Variants in KIF16B observed in about 807,000 individuals in gnomAD.
KIF16B encodes the protein kinesin family member 16B.
Under a neutral mutation model 156.3 loss-of-function variants are expected in KIF16B, and 98 were observed. The observed-to-expected ratio is 0.63, with a 90% confidence interval of 0.53 to 0.74. KIF16B has a LOEUF of 0.74. Ranked by LOEUF, KIF16B falls within the 30% of genes least tolerant of loss-of-function variation. KIF16B has a pLI of 0.00. For synonymous variants in KIF16B, 564 were observed against 583.7 expected, an observed-to-expected ratio of 0.97 and a Z score of 0.49; for missense variants, 1,421 against 1,606.5, an observed-to-expected ratio of 0.88 and a Z score of 1.97.
chr20:16,298,520 T>C (rs2063424178), intron 25 of KIF16B, among the ~76,000 whole-genome samples: 1 of 152,212 alleles, frequency 6.6e-6, no homozygotes, highest in Admixed American at 6.5e-5. Context: ...TTTATAGTAT[T>C]CTCTGATGGT....
intron 24 of KIF16B, among the ~76,000 whole-genome samples, chr20:16,333,314 A>G (rs1400344500): frequency 6.6e-6 from 1 of 152,088 alleles, no homozygotes; most frequent in East Asian, 1.9e-4. Flanking sequence ...TGCCCCACCT[A>G]AAGTAGTCCA....
intron 22 of KIF16B, among the ~76,000 whole-genome samples, chr20:16,360,778 T>C (rs73236274): frequency 0.02 from 3,009 of 152,276 alleles, 101 homozygotes; most frequent in African/African-American, 0.069. Context: ...CTGAAAGAAA[T>C]AGGCAGAACA....
intron 17 of KIF16B, among the ~76,000 whole-genome samples, chr20:16,403,890 C>T (rs1043633983): frequency 6.6e-6 from 1 of 152,096 alleles, no homozygotes; most frequent in African/African-American, 2.4e-5. Context: ...GGAACCAGTC[C>T]CCCAACTGCA....
At chr20:16,387,607 C>T (rs1001094045) in intron 17 of KIF16B, among the ~76,000 whole-genome samples, 1 of 152,158 alleles carries the variant, frequency 6.6e-6, no homozygotes, top group Non-Finnish European at 1.5e-5. Context: ...CAAAGAATCA[C>T]TGAAGATAAC....
rs147904386 is a variant in KIF16B at position 16,467,863 on chromosome 20, G to A, written c.1302+26428C>T. On this transcript the variant is annotated intron_variant, in intron 12 of 25. Transcript: ENST00000354981. ...TTCTTTATTCTTAATTGATCTAATA[G>A]TTAACAGTTGATATGCTAGGAAAGG... Among the ~76,000 whole-genome samples the A allele has an allele frequency of 1.4e-3, 217 of 152,196 alleles. 2 individuals are homozygous for A. The highest frequency in any genetic ancestry group is 1.3e-3 in the Non-Finnish European group (89 of 68,008).
intron 1 of KIF16B, among the ~76,000 whole-genome samples, chr20:16,532,432 C>T (rs1278729000): frequency 6.6e-6 from 1 of 152,168 alleles, no homozygotes; most frequent in Non-Finnish European, 1.5e-5. Context: ...CTGAAAAATG[C>T]TTCCACTCCA....
At chr20:16,545,923 T>G (rs2070389270) in intron 1 of KIF16B, among the ~76,000 whole-genome samples, 1 of 151,918 alleles carries the variant, frequency 6.6e-6, no homozygotes, top group Admixed American at 6.6e-5. Flanking sequence ...AAAATACAAT[T>G]TTGGCCTATA....
intron 12 of KIF16B, among the ~76,000 whole-genome samples, chr20:16,437,985 ATAAT>A (rs769716643): frequency 2.0e-4 from 27 of 131,942 alleles, no homozygotes; most frequent in South Asian, 5.1e-4. Flanking sequence ...ATAAAAAAAA[ATAAT>A]AAAAAAAAAA....
intron 1 of KIF16B, among the ~76,000 whole-genome samples, chr20:16,549,025 T>C (rs995191443): frequency 1.5e-5 from 2 of 129,212 alleles, no homozygotes; most frequent in Admixed American, 1.5e-4. Context: ...TTTTTTTTTA[T>C]GTTTTTTTTT....
chr20:16,558,175 G>A (rs2070923104), intron 1 of KIF16B, among the ~76,000 whole-genome samples: 1 of 152,252 alleles, frequency 6.6e-6, no homozygotes. Context: ...GCAGACGAGT[G>A]GCAGGTGCCG....
chr20:16,343,063 A>C (rs1049596447), intron 23 of KIF16B, among the ~76,000 whole-genome samples: 1 of 152,232 alleles, frequency 6.6e-6, no homozygotes. Context: ...ACAACAAATA[A>C]GTCAGACCAA....
intron 3 of KIF16B, among the ~76,000 whole-genome samples, chr20:16,517,874 G>A (rs1003735476): frequency 6.6e-6 from 1 of 152,114 alleles, no homozygotes; most frequent in African/African-American, 2.4e-5. Context: ...GAATAAAGAA[G>A]GACTGTTTCT....
At chr20:16,387,007 T>G (rs1019648986) in intron 17 of KIF16B, among the ~76,000 whole-genome samples, 1 of 152,034 alleles carries the variant, frequency 6.6e-6, no homozygotes, top group East Asian at 1.9e-4. Flanking sequence ...GTTTTTTCAT[T>G]GGGACAGGAA....
rs143761147 is a variant in KIF16B at position 16,426,086 on chromosome 20, A to G, written c.1612+1018T>C. On this transcript the variant is annotated intron_variant, in intron 15 of 25. Coordinates refer to ENST00000354981, the MANE Select transcript of KIF16B (RefSeq NM_024704.5). ...GGGGGAAATCCACCCACATGATCCA[A>G]TCACCTCCCACCAGGTCCCTCCTCC... 6.1e-3 allele frequency among the ~76,000 whole-genome samples: 932 copies of G among 152,256 alleles called. 13 individuals carry two copies. Among genetic ancestry groups the G allele is most frequent in the African/African-American group, 0.021 (888 of 41,570 alleles).
chr20:16,315,356 A>G (rs1001564901), intron 24 of KIF16B, among the ~76,000 whole-genome samples: 2 of 152,272 alleles, frequency 1.3e-5, no homozygotes, highest in Non-Finnish European at 2.9e-5. Context: ...CTGACTTTAG[A>G]GTTGAAGACA....
intron 12 of KIF16B, among the ~76,000 whole-genome samples, chr20:16,469,120 T>C (rs1257281061): frequency 6.6e-6 from 1 of 151,642 alleles, no homozygotes; most frequent in Admixed American, 6.6e-5. Context: ...GGTGTGGTGG[T>C]GCATGTATGT....
chr20:16,337,496 G>A (rs1056746421), intron 23 of KIF16B, among the ~76,000 whole-genome samples: 9 of 151,894 alleles, frequency 5.9e-5, no homozygotes, highest in Non-Finnish European at 1.3e-4. Context: ...TTTCAATTGT[G>A]GCAGGTTTCT....
At chr20:16,324,552 C>G (rs1275323982) in intron 24 of KIF16B, among the ~76,000 whole-genome samples, 1 of 151,954 alleles carries the variant, frequency 6.6e-6, no homozygotes, top group Admixed American at 6.6e-5. Flanking sequence ...TAATAAAGTC[C>G]ACATCTTTGG....
chr20:16,440,025 C>A (rs1195956568), intron 12 of KIF16B, among the ~76,000 whole-genome samples: 1 of 152,124 alleles, frequency 6.6e-6, no homozygotes, highest in Non-Finnish European at 1.5e-5. Context: ...CACCCCTACT[C>A]CCAGACACAC....
Sources: allele counts gnomAD v4.1 joint callset (sites outside exome capture counted in the v4.1 genomes callset), GRCh38; gene constraint gnomAD v4.1.1; transcripts MANE v1.5; gene names NCBI Gene and HGNC (gene_info 2026-07-23, HGNC 2026-07-21).